Variants in STMN4 observed in about 807,000 individuals in gnomAD.
STMN4 encodes stathmin-4.
STMN4 carries 12 observed loss-of-function variants against 29.1 expected under a neutral mutation model. The ratio of observed to expected loss-of-function variants is 0.41; its 90% CI spans 0.26 to 0.67. STMN4 has a LOEUF of 0.67. Ranked by LOEUF, STMN4 falls within the 30% of genes least tolerant of loss-of-function variation. STMN4 has a pLI of 0.30. For synonymous variants in STMN4, 114 were observed against 105.3 expected (o/e 1.08, Z -0.51); for missense variants, 181 against 262.8 (o/e 0.69, Z 2.15).
chr8:27,253,698 C>T (rs1438564620), intron 1 of STMN4, among the ~76,000 whole-genome samples: 5 of 147,224 alleles, frequency 3.4e-5, no homozygotes, highest in African/African-American at 9.7e-5. Flanking sequence ...ATCATTGATA[C>T]CATTTTTTTT....
intron 1 of STMN4, among the ~76,000 whole-genome samples, chr8:27,253,084 T>C (rs890204945): frequency 6.6e-6 from 1 of 152,212 alleles, no homozygotes; most frequent in Admixed American, 6.5e-5. Flanking sequence ...CCAGAGTTAG[T>C]AGCAGCCATG....
intron 1 of STMN4, among the ~76,000 whole-genome samples, chr8:27,248,169 C>A (rs1389199481): frequency 6.6e-6 from 1 of 152,146 alleles, no homozygotes; most frequent in Admixed American, 6.5e-5. Flanking sequence ...GCAGCTGAGC[C>A]CCTGTGCTGG....
Position 27,241,135 on chromosome 8 carries a change from G to A in STMN4, c.318C>T (p.Phe106=). The A allele has an allele frequency of 1.9e-6, 3 of 1,614,182 alleles. No individual in the cohort carries two copies. Among genetic ancestry groups the A allele is most frequent in the Non-Finnish European group, 1.7e-6 (2 of 1,180,040 alleles). ...KPPSFDGVPE[F]NASLPRRRDP... ...CTCGCCGCCTTGGCAGGGAGGCGTT[G>A]AACTCGGGAACCCCATCAAAGGAGG... The change falls in exon 5 of 7, where the codon TTC becomes TTT. Residue 106 remains phenylalanine (F), a synonymous_variant. Coordinates refer to ENST00000350889, the MANE Select transcript of STMN4 (RefSeq NM_030795.4).
intron 4 of STMN4, 140 bp downstream of exon 4, chr8:27,241,537 C>G (rs952848432): frequency 1.8e-6 from 2 of 1,108,044 alleles, no homozygotes; most frequent in African/African-American, 3.1e-5. Context: ...TTGCTTCCCC[C>G]ACCAGCCTCC....
intron 1 of STMN4, among the ~76,000 whole-genome samples, chr8:27,245,117 C>G (rs1801589290): frequency 6.6e-6 from 1 of 152,244 alleles, no homozygotes; most frequent in African/African-American, 2.4e-5. Flanking sequence ...AGTATCACCT[C>G]TCTTACCAGC....
chr8:27,241,607 C>G, intron 4 of STMN4, 70 bp downstream of exon 4: 2 of 1,576,388 alleles, frequency 1.3e-6, no homozygotes, highest in Admixed American at 1.7e-5. Context: ...GCGTTTCAGC[C>G]CCCGCCCACC....
intron 6 of STMN4, among the ~76,000 whole-genome samples, chr8:27,237,538 A>C (rs1384594494): frequency 6.6e-6 from 1 of 152,188 alleles, no homozygotes; most frequent in Non-Finnish European, 1.5e-5. Context: ...TACAGATGTG[A>C]GCCACCGTGC....
chr8:27,248,473 AT>A (rs1170333773), intron 1 of STMN4, among the ~76,000 whole-genome samples: 1 of 152,188 alleles, frequency 6.6e-6, no homozygotes, highest in Non-Finnish European at 1.5e-5. Flanking sequence ...GAATGCTAGA[AT>A]AGGAACTGGA....
chr8:27,236,647 G>T lies in STMN4; in HGVS notation c.*199C>A, dbSNP rs1439264390. 2 of 454,144 alleles carry T rather than the reference G, an allele frequency of 4.4e-6. No homozygotes were observed. The highest frequency in any genetic ancestry group is 2.0e-5 in the African/African-American group (1 of 49,012). The allele number at this position is 454,144 out of a possible 1,614,324, so 28.1% of individuals were successfully genotyped here. A position where few individuals can be genotyped will look rare whatever the true frequency, so the allele number is the denominator to read the frequency against. ...CTCTCCCCTCTCCCACCCCGTCATT[G>T]TTCCCCGGAAACAAATAGGATGGCT... is the stretch of plus-strand genomic sequence containing the variant. On this transcript the variant is annotated 3_prime_UTR_variant, in exon 7 of 7. Transcript: ENST00000350889.
intron 6 of STMN4, chr8:27,239,447 G>T (rs910650913): frequency 1.3e-6 from 1 of 755,856 alleles, no homozygotes; most frequent in East Asian, 2.7e-5. Context: ...AGGTGACACC[G>T]TTCCATTTAT....
intron 1 of STMN4, among the ~76,000 whole-genome samples, chr8:27,254,052 G>A (rs1379407830): frequency 2.0e-5 from 3 of 152,176 alleles, no homozygotes; most frequent in Admixed American, 6.5e-5. Context: ...CAAAGTGTTG[G>A]GATTACAGGT....
chr8:27,253,868 C>T (rs554325641), intron 1 of STMN4, among the ~76,000 whole-genome samples: 41 of 152,066 alleles, frequency 2.7e-4, no homozygotes, highest in African/African-American at 9.9e-4. Flanking sequence ...CTGCAACCTC[C>T]GCCTCCCGGG....
rs564311222 is a variant in STMN4 at position 27,238,333 on chromosome 8, A to G, written c.592-1428T>C. ...CACAGGTGGACAGGGCAGAAAACATACACCCAACTCTCACCCAACCTCCCG... is the reference window on the plus strand; with the variant it reads ...CACAGGTGGACAGGGCAGAAAACATGCACCCAACTCTCACCCAACCTCCCG... On this transcript the variant is annotated intron_variant, in intron 6 of 6. Transcript: ENST00000350889. Among the ~76,000 whole-genome samples, 61 of 152,318 alleles carry G rather than the reference A, an allele frequency of 4.0e-4. 1 individual carries two copies. Among genetic ancestry groups the G allele is most frequent in the African/African-American group, 1.3e-3 (55 of 41,564 alleles).
intron 1 of STMN4, among the ~76,000 whole-genome samples, chr8:27,249,544 G>A (rs1026643112): frequency 1.3e-5 from 2 of 152,212 alleles, no homozygotes; most frequent in African/African-American, 2.4e-5. Flanking sequence ...TCCTGGCAGA[G>A]ATTGGATGGA....
At chr8:27,246,969 A>G (rs186780599) in intron 1 of STMN4, among the ~76,000 whole-genome samples, 2 of 152,242 alleles carry the variant, frequency 1.3e-5, no homozygotes, top group East Asian at 1.9e-4. Flanking sequence ...AAAATGATCT[A>G]TGTGGCCAGG....
intron 1 of STMN4, among the ~76,000 whole-genome samples, chr8:27,253,246 G>T (rs1801844393): frequency 6.6e-6 from 1 of 152,100 alleles, no homozygotes; most frequent in Non-Finnish European, 1.5e-5. Context: ...TTGCAATATT[G>T]CTCTTGTTTT....
chr8:27,239,823 ACT>A, intron 6 of STMN4, 146 bp downstream of exon 6: 1 of 1,547,268 alleles, frequency 6.5e-7, no homozygotes, highest in South Asian at 1.2e-5. Flanking sequence ...ATCCTTCGGA[ACT>A]CTCTAAAGAT....
intron 1 of STMN4, among the ~76,000 whole-genome samples, chr8:27,244,060 C>T (rs1014788937): frequency 6.6e-6 from 1 of 152,194 alleles, no homozygotes; most frequent in Non-Finnish European, 1.5e-5. Flanking sequence ...CACATGCAAG[C>T]GTGGGTTTCC....
Position 27,239,204 on chromosome 8 carries a change from G to A in STMN4, c.591+767C>T, listed in dbSNP as rs1158296384. ...AGACTCTAGGTGGATGGGCAGGAAG[G>A]AGCGGGGACCACGCTGCTCACCATG... On this transcript the variant is annotated intron_variant, in intron 6 of 6. Coordinates refer to ENST00000350889, the MANE Select transcript of STMN4 (RefSeq NM_030795.4). 4.6e-6 allele frequency: 7 copies of A among 1,534,506 alleles called. No individual in the cohort carries two copies. The Admixed American group carries it at 9.8e-5, about 22-fold the overall frequency.
Sources: gnomAD v4.1 joint callset for allele counts (sites outside exome capture counted in the v4.1 genomes callset) on GRCh38, gnomAD v4.1.1 for gene constraint, MANE v1.5 for transcripts, NCBI Gene and HGNC (gene_info 2026-07-23, HGNC 2026-07-21) for gene names.